The following ARHGAP15 variants were observed in gnomAD, a reference collection of about 807,000 sequenced individuals.
ARHGAP15 encodes rho GTPase-activating protein 15.
ARHGAP15 carries 51 observed loss-of-function variants against 63.7 expected under a neutral mutation model. The ratio of observed to expected loss-of-function variants is 0.80; its 90% CI spans 0.64 to 1.01. The LOEUF (loss-of-function observed/expected upper bound fraction) is 1.01, where lower values mean the gene tolerates loss of function less well. ARHGAP15 is among the 50% of genes least tolerant of loss of function. ARHGAP15 has a pLI of 0.00. For synonymous variants in ARHGAP15, 191 were observed against 193.8 expected (o/e 0.99, Z 0.12); for missense variants, 560 against 564.6 (o/e 0.99, Z 0.08).
At chr2:143,272,140 A>G (rs916551419) in intron 6 of ARHGAP15, among the ~76,000 whole-genome samples, 1 of 152,164 alleles carries the variant, frequency 6.6e-6, no homozygotes, top group African/African-American at 2.4e-5. Flanking sequence ...GGTGAAGAAG[A>G]TGGGATAAAA....
At chr2:143,677,052 A>AT (rs1342076724) in intron 12 of ARHGAP15, among the ~76,000 whole-genome samples, 1 of 152,230 alleles carries the variant, frequency 6.6e-6, no homozygotes, top group African/African-American at 2.4e-5. Context: ...TTGAAAGACC[A>AT]TTTATGGTAT....
intron 6 of ARHGAP15, among the ~76,000 whole-genome samples, chr2:143,279,574 GTTTATA>G (rs1302536194): frequency 6.6e-6 from 1 of 152,002 alleles, no homozygotes; most frequent in Non-Finnish European, 1.5e-5. Context: ...TTGTTAAATA[GTTTATA>G]TTTAAATATT....
In ARHGAP15 at chr2:143,253,735, AATAT is replaced by A. The variant is rs746348337; in HGVS notation, c.474+3141_474+3144del. Among the ~76,000 whole-genome samples, 27 of 148,356 alleles carry A rather than the reference AATAT, an allele frequency of 1.8e-4. 1 individual carries two copies. The South Asian group carries it at 2.1e-3, about 12-fold the overall frequency. On this transcript the variant is annotated intron_variant, in intron 6 of 13. Transcript: ENST00000295095. ...TATATACATGAATATACATGTATAA[AATAT>A]ATATACTTATATACATAAAATATAT... is the stretch of plus-strand genomic sequence containing the variant.
intron 8 of ARHGAP15, among the ~76,000 whole-genome samples, chr2:143,481,036 C>T (rs1383060402): frequency 2.6e-5 from 4 of 152,024 alleles, no homozygotes; most frequent in African/African-American, 4.8e-5. Context: ...GTTATGTAAT[C>T]CCTATGATGG....
At chr2:143,150,583 A>C (rs908180281) in intron 1 of ARHGAP15, among the ~76,000 whole-genome samples, 12 of 152,030 alleles carry the variant, frequency 7.9e-5, no homozygotes, top group African/African-American at 2.9e-4. Flanking sequence ...AGTCTAGAGA[A>C]TAGTGAAGCC....
chr2:143,749,701 AATC>A (rs1158640803), intron 13 of ARHGAP15, among the ~76,000 whole-genome samples: 12 of 152,252 alleles, frequency 7.9e-5, no homozygotes, highest in Admixed American at 6.5e-5. Context: ...AACATTTAAT[AATC>A]ATAACACATT....
chr2:143,534,133 G>C (rs2105023357), intron 10 of ARHGAP15, among the ~76,000 whole-genome samples: 1 of 152,260 alleles, frequency 6.6e-6, no homozygotes, highest in East Asian at 1.9e-4. Flanking sequence ...GAATCCTGGG[G>C]CTGGTTCCTC....
Position 143,195,439 on chromosome 2 carries a change from G to A in ARHGAP15, c.166-6695G>A, listed in dbSNP as rs559470579. Among the ~76,000 whole-genome samples the A allele has an allele frequency of 2.6e-5, 4 of 152,122 alleles. No individual in the cohort carries two copies. The South Asian group carries it at 8.3e-4, about 32-fold the overall frequency. ...AGTGTTAGAATAATTGTGGGACATG[G>A]ATAAATTTTACATGTGTCCACAAAT... On this transcript the variant is annotated intron_variant, in intron 2 of 13. Coordinates refer to ENST00000295095, the MANE Select transcript of ARHGAP15 (RefSeq NM_018460.4).
chr2:143,259,654 T>C (rs1363767253), intron 6 of ARHGAP15, among the ~76,000 whole-genome samples: 2 of 152,170 alleles, frequency 1.3e-5, no homozygotes, highest in Admixed American at 1.3e-4. Context: ...GAGCTTTAAG[T>C]GGTAAAATAT....
At chr2:143,567,604 C>G (rs1428823301) in intron 11 of ARHGAP15, among the ~76,000 whole-genome samples, 1 of 152,174 alleles carries the variant, frequency 6.6e-6, no homozygotes, top group Non-Finnish European at 1.5e-5. Flanking sequence ...CTTGGAAGAT[C>G]AGAGCCAGCC....
At chr2:143,523,069 C>A (rs751488959) in intron 10 of ARHGAP15, among the ~76,000 whole-genome samples, 3 of 152,026 alleles carry the variant, frequency 2.0e-5, no homozygotes, top group Non-Finnish European at 2.9e-5. Context: ...TGTTGAGGTC[C>A]ATTATTTGGA....
At chr2:143,534,260 C>A (rs1033995324) in intron 10 of ARHGAP15, among the ~76,000 whole-genome samples, 1 of 152,134 alleles carries the variant, frequency 6.6e-6, no homozygotes, top group Non-Finnish European at 1.5e-5. Context: ...GCCTTGCTTC[C>A]CCTTCGCCTT....
In ARHGAP15 at chr2:143,662,321, G is replaced by A. The variant is rs201978218; in HGVS notation, c.1138+38054G>A. ...GCAGGGGCACACTGACACCTCACAC[G>A]GCAGGGTATTCCAACAGACCTGCAG... On this transcript the variant is annotated intron_variant, in intron 12 of 13. Coordinates refer to ENST00000295095, the MANE Select transcript of ARHGAP15 (RefSeq NM_018460.4). Among the ~76,000 whole-genome samples the A allele has an allele frequency of 8.6e-3, 1,286 of 148,744 alleles. 31 individuals carry two copies. The East Asian group carries it at 0.12, about 14-fold the overall frequency.
intron 13 of ARHGAP15, among the ~76,000 whole-genome samples, chr2:143,745,296 G>C (rs1686120027): frequency 6.6e-6 from 1 of 152,206 alleles, no homozygotes. Context: ...ATAACTGAGT[G>C]ATCATATCAC....
intron 12 of ARHGAP15, among the ~76,000 whole-genome samples, chr2:143,700,545 TCTCTC>T (rs1441459167): frequency 2.0e-5 from 3 of 152,138 alleles, no homozygotes; most frequent in Non-Finnish European, 2.9e-5. Flanking sequence ...CTTCTCCTCC[TCTCTC>T]CTCTCCTCTC....
At chr2:143,400,395 AAAG>A (rs1458538508) in intron 6 of ARHGAP15, among the ~76,000 whole-genome samples, 2 of 151,954 alleles carry the variant, frequency 1.3e-5, no homozygotes, top group African/African-American at 2.4e-5. Flanking sequence ...AAGAAGCAAG[AAAG>A]AAGAGTTATC....
chr2:143,486,408 C>CAAAAAAAAAA lies in ARHGAP15; in HGVS notation c.704-958_704-949dup, dbSNP rs35904219. ...CAATGAAGTGAGATCCCATTTCTAC[C>CAAAAAAAAAA]AAAAAAAAAAAAAAAACTTTAGTCA... On this transcript the variant is annotated intron_variant, in intron 8 of 13. Transcript: ENST00000295095. Among the ~76,000 whole-genome samples, 411 of 133,174 alleles carry CAAAAAAAAAA rather than the reference C, an allele frequency of 3.1e-3. 3 individuals carry two copies. The highest frequency in any genetic ancestry group is 0.015 in the East Asian group (63 of 4,184). 87.4% of individuals were successfully genotyped at this position (133,174 alleles called of 152,430 possible).
intron 6 of ARHGAP15, among the ~76,000 whole-genome samples, chr2:143,424,336 C>T (rs10928173): frequency 0.89 from 135,295 of 152,102 alleles, 60,540 homozygotes; most frequent in Middle Eastern, 0.97. Context: ...GTCCGAATTG[C>T]AATAGAGTTA....
rs539780755 is a variant in ARHGAP15, at chr2:143,282,815, C to T, written c.474+32215C>T. ...CTTGTACTCTTCTCACACTGGCATG[C>T]TATTTAGAAGGTTAGCCCTTTTCTG... is the stretch of plus-strand genomic sequence containing the variant. On this transcript the variant is annotated intron_variant, in intron 6 of 13. Coordinates refer to ENST00000295095, the MANE Select transcript of ARHGAP15 (RefSeq NM_018460.4). Among the ~76,000 whole-genome samples the T allele has an allele frequency of 1.0e-3, 159 of 152,258 alleles. 1 individual carries two copies. Among genetic ancestry groups the T allele is most frequent in the African/African-American group, 3.7e-3 (154 of 41,552 alleles).
Sources: allele counts gnomAD v4.1 joint callset (sites outside exome capture counted in the v4.1 genomes callset), GRCh38; gene constraint gnomAD v4.1.1; transcripts MANE v1.5; gene names NCBI Gene and HGNC (gene_info 2026-07-23, HGNC 2026-07-21).